The following GRM4 variants were observed in gnomAD, a reference collection of about 807,000 sequenced individuals.
The protein encoded by GRM4 is metabotropic glutamate receptor 4.
A neutral mutation model predicts 81.7 loss-of-function variants in GRM4; 28 were observed. That is an observed-to-expected ratio of 0.34 (90% confidence interval 0.25 to 0.47). The LOEUF (loss-of-function observed/expected upper bound fraction) is 0.47, where lower values mean the gene tolerates loss of function less well. Ranked by LOEUF, GRM4 falls within the 20% of genes least tolerant of loss-of-function variation. GRM4 has a pLI of 1.00. For synonymous variants in GRM4, 488 were observed against 528.8 expected (o/e 0.92, Z 1.06); for missense variants, 948 against 1,290.0 (o/e 0.73, Z 4.06).
rs1033386324 is a variant in GRM4 at position 34,063,431 on chromosome 6, C to T, written c.737-1403G>A. Reference sequence around the variant, plus strand: ...TCCTCAGAGGATGCAAGTGGCCAGGCGGCAGGCATTCTGGAGAGAACAGGG... The same window carrying T: ...TCCTCAGAGGATGCAAGTGGCCAGGTGGCAGGCATTCTGGAGAGAACAGGG... On this transcript the variant is annotated intron_variant, in intron 3 of 10. Transcript: ENST00000538487. 6 of 152,440 alleles carry T rather than the reference C, an allele frequency of 3.9e-5. No individual in the cohort carries two copies. In the East Asian group the frequency reaches 7.7e-4, roughly 20 times the overall value. The allele number at this position is 152,440 out of a possible 1,614,324, so 9.4% of individuals were successfully genotyped here.
intron 3 of GRM4, among the ~76,000 whole-genome samples, chr6:34,071,596 A>T: frequency 8.4e-6 from 1 of 118,422 alleles, no homozygotes; most frequent in Non-Finnish European, 1.9e-5. Flanking sequence ...CACCACACAG[A>T]TACATACCAC....
At chr6:34,117,631 G>A (rs980814932) in intron 2 of GRM4, among the ~76,000 whole-genome samples, 7 of 152,248 alleles carry the variant, frequency 4.6e-5, no homozygotes, top group South Asian at 4.1e-4. Flanking sequence ...CATCCGGCAC[G>A]TCTCTCCAGG....
At chr6:34,134,492 G>A (rs1055978755) in intron 1 of GRM4, among the ~76,000 whole-genome samples, 2 of 152,136 alleles carry the variant, frequency 1.3e-5, no homozygotes, top group Admixed American at 6.5e-5. Flanking sequence ...CCAAGGGAAG[G>A]CCAGGGAGGA....
In GRM4 at chr6:34,059,275, C is replaced by A; in HGVS notation, c.873-147G>T. On this transcript the variant is annotated intron_variant, in intron 4 of 10. Coordinates refer to ENST00000538487, the MANE Select transcript of GRM4 (RefSeq NM_000841.4). This position sits in a 1 kb window ranked among gnomAD's most constrained non-coding sequence, Gnocchi z 5.7. ...CCAGCACCGATGCTTTCACCCCAAG[C>A]CATGGATTCCCCCTACCCGCTGCCC... 1.4e-6 allele frequency: 1 copy of A among 705,136 alleles called. No individual in the cohort carries two copies. The highest frequency in any genetic ancestry group is 2.4e-6 in the Non-Finnish European group (1 of 414,240). 43.7% of individuals were successfully genotyped at this position (705,136 alleles called of 1,614,324 possible). A position where few individuals can be genotyped will look rare whatever the true frequency, so the allele number is the denominator to read the frequency against.
intron 3 of GRM4, chr6:34,063,668 G>A (rs1241116981): frequency 6.6e-6 from 1 of 152,430 alleles, no homozygotes; most frequent in Non-Finnish European, 1.5e-5. Context: ...GAAGGAGCAA[G>A]GTGCTTGGGC....
chr6:34,155,406 A>G (rs1363570487), exon 1 of GRM4: 1 of 1,473,220 alleles, frequency 6.8e-7, no homozygotes, highest in Non-Finnish European at 9.0e-7. Flanking sequence ...CACTCTCAGC[A>G]TCTCCTGAGC....
At chr6:34,151,711 A>T (rs946502177) in intron 1 of GRM4, among the ~76,000 whole-genome samples, 1 of 16,440 alleles carries the variant, frequency 6.1e-5, no homozygotes. Context: ...CCCCGCCCCC[A>T]CCCCCACCCC....
intron 10 of GRM4, among the ~76,000 whole-genome samples, chr6:34,027,303 T>C (rs1158619212): frequency 6.6e-6 from 1 of 152,044 alleles, no homozygotes; most frequent in Non-Finnish European, 1.5e-5. Context: ...AAGAGGGAAG[T>C]TGGCAAAGAT....
chr6:34,091,302 C>T (rs1561806070), intron 3 of GRM4, among the ~76,000 whole-genome samples: 1 of 152,150 alleles, frequency 6.6e-6, no homozygotes, highest in African/African-American at 2.4e-5. Context: ...CAATTCAGCA[C>T]GCTTAATGGG....
At chr6:34,094,896 C>T (rs771841541) in intron 2 of GRM4, among the ~76,000 whole-genome samples, 1 of 152,242 alleles carries the variant, frequency 6.6e-6, no homozygotes, top group Admixed American at 6.5e-5. Flanking sequence ...ATTCCTCCTT[C>T]CAAGCTCCTT....
chr6:34,019,769 T>G lies in GRM4; in HGVS notation c.*3052A>C, dbSNP rs971169487. On this transcript the variant is annotated 3_prime_UTR_variant, in exon 11 of 11. Coordinates refer to ENST00000538487, the MANE Select transcript of GRM4 (RefSeq NM_000841.4). ...TTGAAATCTAACATTCTGAAGATACTTAGCAGCTTTCTCCAGTCATTAATA... is the reference window on the plus strand; with the variant it reads ...TTGAAATCTAACATTCTGAAGATACGTAGCAGCTTTCTCCAGTCATTAATA... 1.3e-5 allele frequency: 2 copies of G among 152,202 alleles called. No individual in the cohort carries two copies. Among genetic ancestry groups the G allele is most frequent in the Non-Finnish European group, 2.9e-5 (2 of 68,038 alleles). The allele number at this position is 152,202 out of a possible 1,614,324, so 9.4% of individuals were successfully genotyped here.
intron 10 of GRM4, among the ~76,000 whole-genome samples, chr6:34,026,981 G>A (rs1764163679): frequency 6.6e-6 from 1 of 152,174 alleles, no homozygotes; most frequent in Non-Finnish European, 1.5e-5. Context: ...TGGCAGAAAG[G>A]CCTGGTCAGG....
rs116335372 is a variant in GRM4 at position 34,104,630 on chromosome 6, G to T, written c.520-12531C>A. ...CCCTGCTCCCCACCTGGCACACACT[G>T]CGTGTCCATTCCCAGCCTCCTGCCC... On this transcript the variant is annotated intron_variant, in intron 2 of 10. Coordinates refer to ENST00000538487, the MANE Select transcript of GRM4 (RefSeq NM_000841.4). Among the ~76,000 whole-genome samples the T allele has an allele frequency of 5.1e-3, 784 of 152,240 alleles. 6 individuals are homozygous for T. Among genetic ancestry groups the T allele is most frequent in the African/African-American group, 0.018 (767 of 41,520 alleles).
chr6:34,023,146 G>GC (rs1410993765), intron 10 of GRM4, among the ~76,000 whole-genome samples: 1 of 152,200 alleles, frequency 6.6e-6, no homozygotes, highest in African/African-American at 2.4e-5. Flanking sequence ...TGCCTGGAGT[G>GC]CCTTTCCTCT....
rs113729783 is a variant in GRM4, at chr6:34,027,726, G to T, written c.2689+394C>A. Among the ~76,000 whole-genome samples the T allele has an allele frequency of 2.0e-5, 3 of 152,284 alleles. No individual in the cohort carries two copies. In the East Asian group the frequency reaches 5.8e-4, roughly 29 times the overall value. On this transcript the variant is annotated intron_variant, in intron 10 of 10. Transcript: ENST00000538487. ...TCCCAGAGGGGCTGAAAGGGCACAG[G>T]CAGGGGCACAGGCAGAGACCCAGGC...
intron 2 of GRM4, among the ~76,000 whole-genome samples, chr6:34,116,960 C>T (rs1769625092): frequency 6.6e-6 from 1 of 152,142 alleles, no homozygotes; most frequent in African/African-American, 2.4e-5. Flanking sequence ...CAAAACCAGG[C>T]AACACCAGTC....
At chr6:34,144,791 GC>G (rs1373879682) in intron 1 of GRM4, among the ~76,000 whole-genome samples, 1 of 152,200 alleles carries the variant, frequency 6.6e-6, no homozygotes, top group African/African-American at 2.4e-5. Flanking sequence ...TCCGGTGGAA[GC>G]CCCTGTATAC....
intron 2 of GRM4, among the ~76,000 whole-genome samples, chr6:34,107,523 G>C (rs1456987154): frequency 2.0e-5 from 3 of 152,196 alleles, no homozygotes; most frequent in Admixed American, 1.3e-4. Context: ...ATGGGGATGA[G>C]AGCCCGGAAC....
rs1157831341 is a variant in GRM4, at chr6:34,020,710, AT to A, written c.*2110del. The A allele has an allele frequency of 6.6e-6, 1 of 152,176 alleles. No individual in the cohort carries two copies. The highest frequency in any genetic ancestry group is 2.4e-5 in the African/African-American group (1 of 41,432). 9.4% of individuals were successfully genotyped at this position (152,176 alleles called of 1,614,324 possible). A position where few individuals can be genotyped will look rare whatever the true frequency, so the allele number is the denominator to read the frequency against. ...TCCTGTCTCCTTCCCTCACACAAAC[AT>A]TTATTGAGCATCTACTAGGTGCTGC... On this transcript the variant is annotated 3_prime_UTR_variant, in exon 11 of 11. Transcript: ENST00000538487.
Sources: gnomAD v4.1 joint callset for allele counts (sites outside exome capture counted in the v4.1 genomes callset) on GRCh38, gnomAD v4.1.1 for gene constraint, Gnocchi (gnomAD v3.1) non-coding constraint, MANE v1.5 for transcripts, NCBI Gene and HGNC (gene_info 2026-07-23, HGNC 2026-07-21) for gene names.